KMT2C: variants seen among roughly 807,000 people sequenced by gnomAD.
KMT2C encodes histone-lysine N-methyltransferase 2C.
A neutral mutation model predicts 507.9 loss-of-function variants in KMT2C; 88 were observed. The ratio of observed to expected loss-of-function variants is 0.17; its 90% CI spans 0.15 to 0.21. The LOEUF is 0.21. Among genes scored for constraint, KMT2C ranks in the 10% least tolerant of loss-of-function variants. KMT2C has a pLI of 1.00. For synonymous variants in KMT2C, 2,049 were observed against 2,080.8 expected (o/e 0.98, Z 0.42); for missense variants, 4,954 against 5,957.8 (o/e 0.83, Z 5.55).
At chr7:152,227,618 T>C (rs1440421722) in intron 18 of KMT2C, among the ~76,000 whole-genome samples, 1 of 151,996 alleles carries the variant, frequency 6.6e-6, no homozygotes, top group Non-Finnish European at 1.5e-5. Flanking sequence ...CTCAGCAGAG[T>C]ACAATCAATG....
chr7:152,276,873 C>T (rs1470090347), intron 6 of KMT2C, among the ~76,000 whole-genome samples: 2 of 152,042 alleles, frequency 1.3e-5, no homozygotes, highest in Non-Finnish European at 2.9e-5. Context: ...ATTAAAAAGA[C>T]AGGGAGTAAG....
rs556712193 is a variant in KMT2C at position 152,235,895 on chromosome 7, T to A, written c.2691A>T (p.Arg897=). 6.2e-7 allele frequency: 1 copy of A among 1,611,908 alleles called. No individual in the cohort carries two copies. The highest frequency in any genetic ancestry group is 1.3e-5 in the African/African-American group (1 of 74,980). Residue 897 remains arginine, a synonymous_variant, in exon 16 of 59, where the codon CGA becomes CGT. Transcript: ENST00000262189. ...CACCTCGCCCCGACAGTCCTGCACC[T>A]CGAGGTCTCCGCTTTCCTGGAAATC... is the stretch of plus-strand genomic sequence containing the variant. ...GSGFPGKRRP[R]GAGLSGRGGR... is the part of the protein sequence containing the mutation.
At chr7:152,196,307 GA>G (rs1387613465) in intron 27 of KMT2C, among the ~76,000 whole-genome samples, 1 of 151,794 alleles carries the variant, frequency 6.6e-6, no homozygotes, top group African/African-American at 2.4e-5. Context: ...ACAAAGCAAA[GA>G]AAAAAAAGTT....
intron 1 of KMT2C, among the ~76,000 whole-genome samples, chr7:152,401,055 A>G (rs2097569267): frequency 6.6e-6 from 1 of 152,146 alleles, no homozygotes; most frequent in Non-Finnish European, 1.5e-5. Flanking sequence ...CTCTGCTGTG[A>G]AAAATATTAC....
chr7:152,252,816 T>C lies in KMT2C; in HGVS notation c.1300-101A>G, dbSNP rs771900880. 5.4e-4 allele frequency: 439 copies of C among 818,052 alleles called. 1 individual carries two copies. Among genetic ancestry groups the C allele is most frequent in the Admixed American group, 9.9e-4 (34 of 34,326 alleles). The allele number at this position is 818,052 out of a possible 1,614,324, so 50.7% of individuals were successfully genotyped here. ...AAAGTCATGAATCATTTGTGGATTA[T>C]ACATTAAGCTTTTATTTTCATGACA... On this transcript the variant is annotated intron_variant, in intron 9 of 58. Coordinates refer to ENST00000262189, the MANE Select transcript of KMT2C (RefSeq NM_170606.3).
rs1406605552 is a variant in KMT2C, at chr7:152,290,281, TATATATATATATA to T, written c.850-16427_850-16415del. Among the ~76,000 whole-genome samples, 59 of 37,242 alleles carry T rather than the reference TATATATATATATA, an allele frequency of 1.6e-3. 1 individual carries two copies. The highest frequency in any genetic ancestry group is 7.5e-3 in the African/African-American group (57 of 7,582). 24.4% of individuals were successfully genotyped at this position (37,242 alleles called of 152,430 possible). A position where few individuals can be genotyped will look rare whatever the true frequency, so the allele number is the denominator to read the frequency against. On this transcript the variant is annotated intron_variant, in intron 6 of 58. Transcript: ENST00000262189. ...GTGTATATATATATATATATATATATATATATATATATATTTTTTTTTTTTTTTTTTTTTTTTT... is the reference window on the plus strand; with the variant it reads ...GTGTATATATATATATATATATATATTTTTTTTTTTTTTTTTTTTTTTTTT...
In KMT2C at chr7:152,176,561, A is replaced by G. The variant is rs768528971; in HGVS notation, c.8892T>C (p.Val2964=). Residue 2964 remains valine, a synonymous_variant, in exon 38 of 59, where the codon GTT becomes GTC. Transcript: ENST00000262189. ...CATTAGAATTCATGGCATTATCCAA[A>G]ACACGGCCAGGCGGTGCTATGAAAG... is the stretch of plus-strand genomic sequence containing the variant. ...LPPFIAPPGR[V]LDNAMNSNVT... is the part of the protein sequence containing the mutation. The G allele has an allele frequency of 6.2e-7, 1 of 1,614,170 alleles. No individual in the cohort carries two copies. Among genetic ancestry groups the G allele is most frequent in the South Asian group, 1.1e-5 (1 of 91,086 alleles).
intron 1 of KMT2C, among the ~76,000 whole-genome samples, chr7:152,394,614 AT>A (rs1243069083): frequency 2.6e-5 from 4 of 152,058 alleles, no homozygotes; most frequent in African/African-American, 7.2e-5. Flanking sequence ...CCATGGCTTT[AT>A]TTTTTTCCAT....
chr7:152,330,851 C>T, intron 2 of KMT2C, 112 bp from the exon 3 acceptor site: 1 of 972,714 alleles, frequency 1.0e-6, no homozygotes, highest in Non-Finnish European at 1.5e-6. Flanking sequence ...CAACAAATAA[C>T]AATATTTCAC....
Position 152,375,335 on chromosome 7 carries a change from C to A in KMT2C, c.162-16660G>T, listed in dbSNP as rs575568397. On this transcript the variant is annotated intron_variant, in intron 1 of 58. Transcript: ENST00000262189. ...GGGATTACAGGCGTAAGCCACCACA[C>A]CCAGCGAGTTTTTTTTAAAATAGCA... Among the ~76,000 whole-genome samples, 3 of 151,938 alleles carry A rather than the reference C, an allele frequency of 2.0e-5. No homozygotes were observed. The South Asian group carries it at 6.2e-4, about 32-fold the overall frequency.
At chr7:152,308,072 T>C (rs933264342) in intron 6 of KMT2C, among the ~76,000 whole-genome samples, 7 of 152,212 alleles carry the variant, frequency 4.6e-5, no homozygotes, top group Non-Finnish European at 8.8e-5. Context: ...AATACTATTA[T>C]GCATTAAACT....
At chr7:152,388,017 T>C (rs10229544) in intron 1 of KMT2C, among the ~76,000 whole-genome samples, 7,314 of 150,660 alleles carry the variant, frequency 0.049, 617 homozygotes, top group African/African-American at 0.17. Context: ...TAATGCAAAG[T>C]GATCCAACTC....
chr7:152,194,184 T>C (rs1387984282), intron 30 of KMT2C, 45 bp downstream of exon 30: 9 of 1,561,344 alleles, frequency 5.8e-6, no homozygotes, highest in Admixed American at 2.1e-5. Flanking sequence ...GGTCCTGGTA[T>C]GGGGAACGCC....
intron 6 of KMT2C, 72 bp downstream of exon 6, chr7:152,309,893 TC>T: frequency 4.3e-6 from 4 of 934,258 alleles, no homozygotes; most frequent in Non-Finnish European, 6.8e-6. Context: ...CATTTAATAA[TC>T]CTTTCAAGTG....
chr7:152,297,114 A>G (rs1342310043), intron 6 of KMT2C, among the ~76,000 whole-genome samples: 2 of 152,016 alleles, frequency 1.3e-5, no homozygotes, highest in African/African-American at 4.8e-5. Flanking sequence ...AGACGTGAAT[A>G]TATGTGAACA....
At chr7:152,187,532 G>T in intron 32 of KMT2C, 56 bp from the exon 33 acceptor site, 1 of 1,494,118 alleles carries the variant, frequency 6.7e-7, no homozygotes, top group Non-Finnish European at 9.3e-7. Context: ...CTTAATATAT[G>T]TTCAAGTATA....
intron 51 of KMT2C, 75 bp downstream of exon 51, chr7:152,150,825 A>T: frequency 9.9e-7 from 1 of 1,007,824 alleles, no homozygotes. Flanking sequence ...ACACATCTTT[A>T]TTCACTCCCA....
intron 18 of KMT2C, among the ~76,000 whole-genome samples, chr7:152,226,055 C>T (rs1203202877): frequency 6.6e-6 from 1 of 151,688 alleles, no homozygotes; most frequent in South Asian, 2.1e-4. Flanking sequence ...TTTATTTATT[C>T]ATAGCAGAAA....
chr7:152,155,290 G>A (rs765279620), intron 46 of KMT2C, among the ~76,000 whole-genome samples: 13 of 152,136 alleles, frequency 8.5e-5, no homozygotes, highest in Non-Finnish European at 1.8e-4. Context: ...TTAAATAAAT[G>A]TCTCATCAAA....
Sources: allele counts gnomAD v4.1 joint callset (sites outside exome capture counted in the v4.1 genomes callset), GRCh38; gene constraint gnomAD v4.1.1; transcripts MANE v1.5; gene names NCBI Gene and HGNC (gene_info 2026-07-23, HGNC 2026-07-21).